The following SCAND3 variants were observed in gnomAD, a reference collection of about 807,000 sequenced individuals.
SCAND3 encodes the protein SCAN domain-containing protein 3.
chr6:28,601,648 T>G, the SCAND3 span, among the ~76,000 whole-genome samples: 3 of 152,244 alleles, frequency 2.0e-5, no homozygotes, highest in African/African-American at 7.2e-5. Context: ...GTCTCCCAAG[T>G]TGCTGGGACT....
chr6:28,571,866 A>G, the SCAND3 span: 2 of 1,592,010 alleles, frequency 1.3e-6, no homozygotes, highest in Non-Finnish European at 1.7e-6. Context: ...CAATGCTTAT[A>G]TGCATACTTT....
chr6:28,581,008 T>C, the SCAND3 span, among the ~76,000 whole-genome samples: 2 of 152,264 alleles, frequency 1.3e-5, no homozygotes, highest in Non-Finnish European at 2.9e-5. Context: ...GTCATTAGTC[T>C]TTCAGTATTC....
chr6:28,575,094 A>C, the SCAND3 span: 1 of 1,614,144 alleles, frequency 6.2e-7, no homozygotes, highest in Non-Finnish European at 8.5e-7. This position sits in a 1 kb window ranked among gnomAD's most constrained non-coding sequence, Gnocchi z 4.2. Context: ...CAAGTTCTTC[A>C]GTTAGCTGAG....
chr6:28,577,638 T>C, the SCAND3 span, among the ~76,000 whole-genome samples: 1 of 152,168 alleles, frequency 6.6e-6, no homozygotes, highest in African/African-American at 2.4e-5. Flanking sequence ...CAGAAACCCA[T>C]ACCTCCACCA....
chr6:28,572,894 A>G, the SCAND3 span: 1 of 1,614,060 alleles, frequency 6.2e-7, no homozygotes, highest in Non-Finnish European at 8.5e-7. This position sits in a 1 kb window ranked among gnomAD's most constrained non-coding sequence, Gnocchi z 4.1. Context: ...TGAATGAAGC[A>G]ATGTGTTGTT....
chr6:28,573,482 T>C, the SCAND3 span: 2 of 1,614,134 alleles, frequency 1.2e-6, no homozygotes, highest in Non-Finnish European at 1.7e-6. Flanking sequence ...GGTTGGCTTT[T>C]CAATTCACTA....
chr6:28,613,622 CA>C, the SCAND3 span, among the ~76,000 whole-genome samples: 1 of 152,042 alleles, frequency 6.6e-6, no homozygotes, highest in Non-Finnish European at 1.5e-5. Context: ...AATTAGTATC[CA>C]AAAGTCATTT....
chr6:28,610,696 C>T, the SCAND3 span, among the ~76,000 whole-genome samples: 4 of 152,128 alleles, frequency 2.6e-5, no homozygotes, highest in East Asian at 7.7e-4. Flanking sequence ...TGAGATTCTA[C>T]AGTATATAGT....
the SCAND3 span, chr6:28,589,433 C>G: frequency 6.6e-6 from 1 of 152,084 alleles, no homozygotes; most frequent in Non-Finnish European, 1.5e-5. Flanking sequence ...AATCCGAGTT[C>G]GAATCTCGGT....
chr6:28,596,133 C>T, the SCAND3 span, among the ~76,000 whole-genome samples: 1 of 152,166 alleles, frequency 6.6e-6, no homozygotes, highest in Non-Finnish European at 1.5e-5. Flanking sequence ...TACAGATATA[C>T]ACATTCAAAA....
the SCAND3 span, among the ~76,000 whole-genome samples, chr6:28,577,099 G>C: frequency 6.6e-6 from 1 of 151,992 alleles, no homozygotes; most frequent in Non-Finnish European, 1.5e-5. Flanking sequence ...AATACAAATA[G>C]CTTCATTACT....
chr6:28,573,906 A>T, the SCAND3 span: 1 of 1,381,728 alleles, frequency 7.2e-7, no homozygotes, highest in Non-Finnish European at 9.4e-7. Flanking sequence ...CAAGTTAAAA[A>T]CTAGATTTGA....
chr6:28,592,502 C>G, the SCAND3 span, among the ~76,000 whole-genome samples: 2 of 152,060 alleles, frequency 1.3e-5, no homozygotes. This position sits in a 1 kb window ranked among gnomAD's most constrained non-coding sequence, Gnocchi z 4.1. Flanking sequence ...CTACACTACC[C>G]AAAGCTATCT....
chr6:28,573,460 A>G, the SCAND3 span: 3 of 1,614,140 alleles, frequency 1.9e-6, no homozygotes, highest in Non-Finnish European at 2.5e-6. Context: ...AGAAACGTTG[A>G]ACACCTGCTT....
the SCAND3 span, among the ~76,000 whole-genome samples, chr6:28,607,117 T>C: frequency 6.6e-6 from 1 of 152,228 alleles, no homozygotes; most frequent in East Asian, 1.9e-4. Context: ...ATACTGATTA[T>C]AAATCATGAA....
At chr6:28,610,495 C>G in the SCAND3 span, among the ~76,000 whole-genome samples, 56 of 151,712 alleles carry the variant, frequency 3.7e-4, no homozygotes, top group Non-Finnish European at 6.5e-4. Flanking sequence ...TGCACTCCAG[C>G]CTGGGCAATA....
chr6:28,576,050 G>C, the SCAND3 span: 1 of 1,613,314 alleles, frequency 6.2e-7, no homozygotes, highest in Non-Finnish European at 8.5e-7. Context: ...ATGTTTTCTG[G>C]TTCAATTTCT....
At chr6:28,579,191 A>C in the SCAND3 span, 1 of 1,275,732 alleles carries the variant, frequency 7.8e-7, no homozygotes. The surrounding 1 kb of genome is among the most constrained non-coding windows in gnomAD (Gnocchi z 4.5). Context: ...GCTGAAATGG[A>C]ATGAGGTTTG....
the SCAND3 span, chr6:28,575,485 C>T: frequency 3.1e-5 from 50 of 1,613,614 alleles, no homozygotes; most frequent in Middle Eastern, 1.7e-4. The surrounding 1 kb of genome is among the most constrained non-coding windows in gnomAD (Gnocchi z 4.2). Context: ...CTTTAATGAC[C>T]GCAAAAAAGT....
Sources: allele counts gnomAD v4.1 joint callset (sites outside exome capture counted in the v4.1 genomes callset), GRCh38; gene constraint gnomAD v4.1.1; non-coding constraint Gnocchi (gnomAD v3.1); transcripts MANE v1.5; gene names NCBI Gene and HGNC (gene_info 2026-07-23, HGNC 2026-07-21).